ANKRD33B: variants seen among roughly 807,000 people sequenced by gnomAD.
ANKRD33B encodes the protein ankyrin repeat domain-containing protein 33B.
A neutral mutation model predicts 21.5 loss-of-function variants in ANKRD33B; 6 were observed. The observed-to-expected ratio is 0.28, with a 90% confidence interval of 0.15 to 0.55. The LOEUF is 0.55. Ranked by LOEUF, ANKRD33B falls within the 20% of genes least tolerant of loss-of-function variation. The pLI is 0.94. For missense variants in ANKRD33B, 698 were observed against 747.2 expected (o/e 0.93, Z 0.77); for synonymous variants, 347 against 342.4 (o/e 1.01, Z -0.15).
At chr5:10,581,726 A>G (rs1180988907) in intron 1 of ANKRD33B, among the ~76,000 whole-genome samples, 1 of 152,118 alleles carries the variant, frequency 6.6e-6, no homozygotes, top group African/African-American at 2.4e-5. Flanking sequence ...ACCCTCTATA[A>G]TTTGGGTGGA....
At chr5:10,622,797 TA>T (rs59606847) in intron 2 of ANKRD33B, among the ~76,000 whole-genome samples, 73,973 of 139,466 alleles carry the variant, frequency 0.53, 20,724 homozygotes, top group East Asian at 0.64. Context: ...GTTTTTGCTT[TA>T]TTTTATTTTA....
intron 1 of ANKRD33B, among the ~76,000 whole-genome samples, chr5:10,598,586 G>A (rs1735866653): frequency 6.6e-6 from 1 of 151,962 alleles, no homozygotes; most frequent in Non-Finnish European, 1.5e-5. Context: ...GTTTTGTTTT[G>A]TTTTGCTTTT....
chr5:10,645,980 G>A (rs566366896), intron 3 of ANKRD33B, among the ~76,000 whole-genome samples: 2 of 152,336 alleles, frequency 1.3e-5, no homozygotes, highest in East Asian at 3.9e-4. Context: ...AGAGATCAGG[G>A]ATGCCGTTAA....
In ANKRD33B at chr5:10,651,980, A is replaced by G. The variant is rs1268669111; in HGVS notation, c.*1867A>G. 1 of 152,340 alleles carries G rather than the reference A, an allele frequency of 6.6e-6. No individual in the cohort carries two copies. Among genetic ancestry groups the G allele is most frequent in the Non-Finnish European group, 1.5e-5 (1 of 68,054 alleles). The allele number at this position is 152,340 out of a possible 1,614,324, so 9.4% of individuals were successfully genotyped here. On this transcript the variant is annotated 3_prime_UTR_variant, in exon 4 of 4. Transcript: ENST00000296657. Reference sequence around the variant, plus strand: ...ACTGGACCCTCTTTGAGAACTGCAGATATTAGTTGACTGTGGGTCACCCTC... The same window carrying G: ...ACTGGACCCTCTTTGAGAACTGCAGGTATTAGTTGACTGTGGGTCACCCTC...
At chr5:10,622,680 C>T (rs11737939) in intron 2 of ANKRD33B, among the ~76,000 whole-genome samples, 18,538 of 152,102 alleles carry the variant, frequency 0.12, 1,484 homozygotes, top group Non-Finnish European at 0.17. Context: ...ACTAGACAAC[C>T]GGGGAGCAAT....
At position 10,649,943 on chromosome 5, in the gene ANKRD33B, G is replaced by C; in HGVS notation, c.1315G>C (p.Glu439Gln). The change falls in exon 4 of 4, where the codon GAG (glutamate) becomes CAG (glutamine). Residue 439 changes from glutamate (E) to glutamine (Q), a missense_variant. Coordinates refer to ENST00000296657, the MANE Select transcript of ANKRD33B (RefSeq NM_001164440.2). ...SKAPAPTFQPERPARKGSTKD... is the reference protein window; with the variant it reads ...SKAPAPTFQPQRPARKGSTKD... ...GGCGCCCGCGCCCACCTTCCAGCCC[G>C]AGCGGCCGGCGCGGAAGGGCAGCAC... 2 of 1,528,806 alleles carry C rather than the reference G, an allele frequency of 1.3e-6. No homozygotes were observed. Among genetic ancestry groups the C allele is most frequent in the South Asian group, 2.4e-5 (2 of 83,316 alleles). The allele number at this position is 1,528,806 out of a possible 1,614,324, so 94.7% of individuals were successfully genotyped here.
At chr5:10,627,552 G>A (rs1328588136) in intron 2 of ANKRD33B, 1 of 152,264 alleles carries the variant, frequency 6.6e-6, no homozygotes, top group African/African-American at 2.4e-5. Context: ...GGGCTGCGGG[G>A]GAGCCCTGGT....
chr5:10,648,869 G>A (rs542800071), intron 3 of ANKRD33B, among the ~76,000 whole-genome samples: 39 of 152,334 alleles, frequency 2.6e-4, no homozygotes, highest in African/African-American at 8.4e-4. Context: ...GGTGGCTCAC[G>A]CCCGTAATCC....
At chr5:10,595,965 T>C (rs904658995) in intron 1 of ANKRD33B, among the ~76,000 whole-genome samples, 8 of 152,170 alleles carry the variant, frequency 5.3e-5, no homozygotes, top group Non-Finnish European at 4.4e-5. Context: ...AGGACAAAAG[T>C]GAAACTGCCT....
At chr5:10,633,544 CAATG>C (rs1356296886) in intron 2 of ANKRD33B, among the ~76,000 whole-genome samples, 2 of 152,256 alleles carry the variant, frequency 1.3e-5, no homozygotes, top group African/African-American at 4.8e-5. Flanking sequence ...GCGCTGAACA[CAATG>C]AATGGACGCG....
chr5:10,568,003 G>A (rs187507786), intron 1 of ANKRD33B, among the ~76,000 whole-genome samples: 1 of 152,246 alleles, frequency 6.6e-6, no homozygotes, highest in African/African-American at 2.4e-5. Flanking sequence ...TTCATCTCTG[G>A]GCATTTAAGA....
At chr5:10,599,348 A>G (rs1735882524) in intron 1 of ANKRD33B, among the ~76,000 whole-genome samples, 1 of 152,116 alleles carries the variant, frequency 6.6e-6, no homozygotes, top group Non-Finnish European at 1.5e-5. Context: ...AATTGTGGTG[A>G]AATATATATA....
intron 1 of ANKRD33B, among the ~76,000 whole-genome samples, chr5:10,613,025 C>A (rs1005559429): frequency 2.6e-5 from 4 of 152,180 alleles, no homozygotes; most frequent in Non-Finnish European, 5.9e-5. Flanking sequence ...TTCTCACACT[C>A]GAGCATGGTA....
intron 1 of ANKRD33B, among the ~76,000 whole-genome samples, chr5:10,581,633 A>G (rs1735447082): frequency 1.3e-5 from 2 of 152,222 alleles, no homozygotes; most frequent in South Asian, 4.1e-4. Context: ...TATTCAGTCA[A>G]ACACTGGTCT....
chr5:10,602,837 G>A (rs998423899), intron 1 of ANKRD33B, among the ~76,000 whole-genome samples: 6 of 145,622 alleles, frequency 4.1e-5, no homozygotes, highest in African/African-American at 1.5e-4. Context: ...TTTTGAGACA[G>A]TGTTTCAGTC....
In ANKRD33B at chr5:10,652,069, G is replaced by C. The variant is rs1199625632; in HGVS notation, c.*1956G>C. ...GAGGTGGAGACTGTAACTGACACTG[G>C]TTATCTTTGGGGTTGTCTTTCCTGA... On this transcript the variant is annotated 3_prime_UTR_variant, in exon 4 of 4. Coordinates refer to ENST00000296657, the MANE Select transcript of ANKRD33B (RefSeq NM_001164440.2). This position sits in a 1 kb window ranked among gnomAD's most constrained non-coding sequence, Gnocchi z 4.1. 1 of 152,236 alleles carries C rather than the reference G, an allele frequency of 6.6e-6. No homozygotes were observed. Among genetic ancestry groups the C allele is most frequent in the African/African-American group, 2.4e-5 (1 of 41,342 alleles). 9.4% of individuals were successfully genotyped at this position (152,236 alleles called of 1,614,324 possible). A position where few individuals can be genotyped will look rare whatever the true frequency, so the allele number is the denominator to read the frequency against.
chr5:10,614,551 A>C (rs1736241849), intron 1 of ANKRD33B, among the ~76,000 whole-genome samples: 1 of 152,204 alleles, frequency 6.6e-6, no homozygotes, highest in African/African-American at 2.4e-5. Flanking sequence ...AATTATAGAC[A>C]TGAGCCACTG....
chr5:10,599,500 C>T (rs565992533), intron 1 of ANKRD33B, among the ~76,000 whole-genome samples: 6 of 152,254 alleles, frequency 3.9e-5, no homozygotes, highest in East Asian at 1.9e-4. Flanking sequence ...TACCCTCTTC[C>T]CCTCAGCCCC....
chr5:10,642,938 T>C (rs1283564422), intron 3 of ANKRD33B, among the ~76,000 whole-genome samples: 2 of 152,186 alleles, frequency 1.3e-5, no homozygotes, highest in Non-Finnish European at 2.9e-5. Context: ...GGAGTCTCAC[T>C]CTGTCGCCCA....
Sources: allele counts gnomAD v4.1 joint callset (sites outside exome capture counted in the v4.1 genomes callset), GRCh38; gene constraint gnomAD v4.1.1; non-coding constraint Gnocchi (gnomAD v3.1); transcripts MANE v1.5; gene names NCBI Gene and HGNC (gene_info 2026-07-23, HGNC 2026-07-21).